Variants in RARB observed in about 807,000 individuals in gnomAD.
RARB encodes HBV-activated protein.
A neutral mutation model predicts 51.9 loss-of-function variants in RARB; 17 were observed. The observed-to-expected ratio is 0.33, with a 90% CI of 0.22 to 0.49. The LOEUF (loss-of-function observed/expected upper bound fraction) is 0.49, where lower values mean the gene tolerates loss of function less well. Among genes scored for constraint, RARB ranks in the 20% least tolerant of loss-of-function variants. The probability of loss-of-function intolerance (pLI) is 0.99; values close to 1 mark genes in which losing one functional copy is unlikely to be tolerated. For synonymous variants in RARB, 215 were observed against 195.4 expected (o/e 1.10, Z -0.84); for missense variants, 369 against 550.8 (o/e 0.67, Z 3.30).
intron 2 of RARB, among the ~76,000 whole-genome samples, chr3:25,037,595 C>T (rs1036880692): frequency 6.6e-6 from 1 of 152,100 alleles, no homozygotes; most frequent in African/African-American, 2.4e-5. Context: ...CTGGGACTTT[C>T]ATCTATTGAA....
intron 1 of RARB, among the ~76,000 whole-genome samples, chr3:25,448,004 C>T (rs1709023488): frequency 1.3e-5 from 2 of 151,988 alleles, no homozygotes; most frequent in African/African-American, 4.8e-5. Context: ...GTGCAAAGTA[C>T]TTTAAAATGA....
intron 5 of RARB, among the ~76,000 whole-genome samples, chr3:25,309,203 C>T (rs1704225977): frequency 7.9e-6 from 1 of 126,080 alleles, no homozygotes; most frequent in African/African-American, 3.1e-5. Flanking sequence ...CAGTGTGGTG[C>T]AATCTTGGCT....
At chr3:25,231,395 G>A (rs1702172859) in intron 5 of RARB, among the ~76,000 whole-genome samples, 1 of 152,074 alleles carries the variant, frequency 6.6e-6, no homozygotes, top group African/African-American at 2.4e-5. Flanking sequence ...TGATTACTGG[G>A]TGTCTTCTAG....
intron 5 of RARB, among the ~76,000 whole-genome samples, chr3:25,367,120 CT>C (rs1453818507): frequency 6.6e-6 from 1 of 152,158 alleles, no homozygotes; most frequent in Admixed American, 6.6e-5. Flanking sequence ...AAAAAAGATT[CT>C]CTCCAGTATT....
chr3:25,577,688 T>G (rs565416840), intron 4 of RARB, among the ~76,000 whole-genome samples: 1 of 152,252 alleles, frequency 6.6e-6, no homozygotes, highest in Non-Finnish European at 1.5e-5. Context: ...CTTTCCTTTA[T>G]GGGTCTTGTT....
At position 25,216,317 on chromosome 3, in the gene RARB, C is replaced by A. The variant is rs566566095; in HGVS notation, c.178+41742C>A. 1.8e-4 allele frequency among the ~76,000 whole-genome samples: 28 copies of A among 152,140 alleles called. No individual in the cohort carries two copies. The South Asian group carries it at 2.5e-3, about 14-fold the overall frequency. On this transcript the variant is annotated intron_variant, in intron 5 of 11. Coordinates refer to the RARB transcript ENST00000383772. ...TCAGCCAAATGTATATCCATAAACA[C>A]TAAATGTTGCCTGCTTTAAAAAAAT...
chr3:25,028,917 C>G (rs1439154986), intron 2 of RARB, among the ~76,000 whole-genome samples: 2 of 152,166 alleles, frequency 1.3e-5, no homozygotes, highest in African/African-American at 4.8e-5. Context: ...ACCTCCAACT[C>G]CACCCCACCC....
intron 5 of RARB, among the ~76,000 whole-genome samples, chr3:25,240,006 T>G (rs183299417): frequency 6.6e-6 from 1 of 152,168 alleles, no homozygotes; most frequent in East Asian, 1.9e-4. Context: ...GTCTTTCAAT[T>G]CCTTGGTTAA....
In RARB at chr3:25,532,667, G is replaced by A. The variant is rs572324107; in HGVS notation, c.448+31344G>A. ...GCAAATGGCCTCTGGCTAACATCCA[G>A]GAAGAGGAGCTAAATATTTAACTCT... On this transcript the variant is annotated intron_variant, in intron 3 of 7. Coordinates refer to ENST00000330688, the MANE Select transcript of RARB (RefSeq NM_000965.5). Among the ~76,000 whole-genome samples, 178 of 152,322 alleles carry A rather than the reference G, an allele frequency of 1.2e-3. 1 individual carries two copies. Among genetic ancestry groups the A allele is most frequent in the African/African-American group, 3.9e-3 (163 of 41,574 alleles).
At chr3:24,841,245 T>C (rs568842511) in intron 1 of RARB, among the ~76,000 whole-genome samples, 3 of 152,242 alleles carry the variant, frequency 2.0e-5, no homozygotes, top group Non-Finnish European at 4.4e-5. Context: ...CTAAAAATAT[T>C]ACATAAGATT....
At chr3:25,551,395 A>G (rs909158777) in intron 3 of RARB, among the ~76,000 whole-genome samples, 4 of 152,216 alleles carry the variant, frequency 2.6e-5, no homozygotes, top group Middle Eastern at 3.2e-3. Context: ...GAAACAGTAG[A>G]TAGACTCATC....
At chr3:25,522,050 TAA>T (rs1698423827) in intron 3 of RARB, among the ~76,000 whole-genome samples, 1 of 151,984 alleles carries the variant, frequency 6.6e-6, no homozygotes, top group Admixed American at 6.6e-5. Context: ...TGGCGTGCTA[TAA>T]AAGAGTATCA....
chr3:25,062,164 T>G (rs1040042783), intron 3 of RARB, among the ~76,000 whole-genome samples: 1 of 151,644 alleles, frequency 6.6e-6, no homozygotes, highest in African/African-American at 2.4e-5. Context: ...TATAAATAAT[T>G]TGGTGGGAAA....
At chr3:24,999,097 TA>T (rs1697103967) in intron 2 of RARB, among the ~76,000 whole-genome samples, 1 of 152,178 alleles carries the variant, frequency 6.6e-6, no homozygotes, top group African/African-American at 2.4e-5. Context: ...TGCATGACAT[TA>T]AGCTTCTTCA....
intron 4 of RARB, among the ~76,000 whole-genome samples, chr3:25,139,909 T>C (rs1158167725): frequency 6.6e-6 from 1 of 152,200 alleles, no homozygotes; most frequent in African/African-American, 2.4e-5. Context: ...ACTGTACCTG[T>C]GCTCTATAAG....
chr3:25,463,011 A>G (rs1284272465), intron 2 of RARB, among the ~76,000 whole-genome samples: 1 of 152,160 alleles, frequency 6.6e-6, no homozygotes, highest in Non-Finnish European at 1.5e-5. Flanking sequence ...TCTTCTTTTA[A>G]ATAAAATAAA....
At chr3:25,192,682 G>A (rs1344030004) in intron 5 of RARB, among the ~76,000 whole-genome samples, 2 of 152,038 alleles carry the variant, frequency 1.3e-5, no homozygotes, top group Non-Finnish European at 2.9e-5. Context: ...GCACAAGGAT[G>A]TTTTGGCATC....
chr3:24,941,259 T>A (rs1022266811), intron 2 of RARB, among the ~76,000 whole-genome samples: 4 of 152,162 alleles, frequency 2.6e-5, no homozygotes, highest in African/African-American at 7.2e-5. Context: ...CTTGGAGATA[T>A]TGGACTAACT....
chr3:25,191,813 A>G (rs1197681079), intron 5 of RARB, among the ~76,000 whole-genome samples: 1 of 152,118 alleles, frequency 6.6e-6, no homozygotes, highest in African/African-American at 2.4e-5. Context: ...GTTTGCTTCA[A>G]TGACAAATTA....
Sources: gnomAD v4.1 joint callset for allele counts (sites outside exome capture counted in the v4.1 genomes callset) on GRCh38, gnomAD v4.1.1 for gene constraint, MANE v1.5 for transcripts, NCBI Gene and HGNC (gene_info 2026-07-23, HGNC 2026-07-21) for gene names.